SCHIP1: variants seen among roughly 807,000 people sequenced by gnomAD.
SCHIP1 encodes schwannomin interacting protein 1, also known as schwannomin-interacting protein 1.
SCHIP1 carries 8 observed loss-of-function variants against 29.7 expected under a neutral mutation model. That is an observed-to-expected ratio of 0.27 (90% confidence interval 0.16 to 0.49). SCHIP1 has a LOEUF of 0.49. Among genes scored for constraint, SCHIP1 ranks in the 20% least tolerant of loss-of-function variants. The pLI, the probability that SCHIP1 is intolerant of heterozygous loss-of-function variation, is 0.99. For synonymous variants in SCHIP1, 76 were observed against 94.9 expected (o/e 0.80, Z 1.16); for missense variants, 193 against 294.6 (o/e 0.66, Z 2.52).
At chr3:159,290,832 A>G in the SCHIP1 span, among the ~76,000 whole-genome samples, 4 of 152,240 alleles carry the variant, frequency 2.6e-5, no homozygotes, top group East Asian at 3.9e-4. Flanking sequence ...TTACTGTTGT[A>G]AGGAATCAAG....
chr3:159,353,283 G>T, the SCHIP1 span, among the ~76,000 whole-genome samples: 2 of 151,864 alleles, frequency 1.3e-5, no homozygotes. Context: ...TGCACGTTGT[G>T]CACATGTACC....
the SCHIP1 span, among the ~76,000 whole-genome samples, chr3:159,736,889 C>T: frequency 6.6e-6 from 1 of 152,196 alleles, no homozygotes; most frequent in Non-Finnish European, 1.5e-5. Context: ...CACCCGCCAC[C>T]ACGCCCGGCT....
chr3:159,384,003 T>A, the SCHIP1 span, among the ~76,000 whole-genome samples: 1 of 151,332 alleles, frequency 6.6e-6, no homozygotes, highest in Non-Finnish European at 1.5e-5. Context: ...TTAAGGAGAT[T>A]TTGGGCTGAG....
At chr3:159,811,624 A>G in the SCHIP1 span, among the ~76,000 whole-genome samples, 1 of 152,196 alleles carries the variant, frequency 6.6e-6, no homozygotes, top group South Asian at 2.1e-4. Flanking sequence ...TAGACTCTCA[A>G]TTCTGTTCCA....
chr3:159,710,782 T>A, the SCHIP1 span, among the ~76,000 whole-genome samples: 13 of 152,226 alleles, frequency 8.5e-5, no homozygotes, highest in African/African-American at 2.9e-4. Context: ...GAATTTTTTT[T>A]AAAATATGAA....
chr3:159,522,671 C>A, the SCHIP1 span, among the ~76,000 whole-genome samples: 3 of 152,122 alleles, frequency 2.0e-5, no homozygotes, highest in Non-Finnish European at 2.9e-5. Context: ...GAGATTGAGA[C>A]CATCCTGGCC....
At chr3:159,851,726 G>A (rs964165465) in intron 1 of SCHIP1, among the ~76,000 whole-genome samples, 2 of 152,194 alleles carry the variant, frequency 1.3e-5, no homozygotes, top group African/African-American at 4.8e-5. Flanking sequence ...GGGGCACTGG[G>A]AGCAGCAGTC....
chr3:159,407,580 C>T, the SCHIP1 span, among the ~76,000 whole-genome samples: 1 of 152,190 alleles, frequency 6.6e-6, no homozygotes, highest in Non-Finnish European at 1.5e-5. Flanking sequence ...CTACAAAATA[C>T]ACATTGTTCT....
chr3:159,827,970 A>C, the SCHIP1 span, among the ~76,000 whole-genome samples: 1,045 of 152,168 alleles, frequency 6.9e-3, 7 homozygotes, highest in African/African-American at 0.024. Context: ...CAAACTCATC[A>C]CCTTTACTCT....
the SCHIP1 span, among the ~76,000 whole-genome samples, chr3:159,732,677 G>A: frequency 6.6e-6 from 1 of 152,216 alleles, no homozygotes; most frequent in Non-Finnish European, 1.5e-5. Context: ...GGCAGGGCAG[G>A]GGAAACAAAT....
chr3:159,435,721 G>A, the SCHIP1 span, among the ~76,000 whole-genome samples: 6 of 152,248 alleles, frequency 3.9e-5, no homozygotes, highest in African/African-American at 1.4e-4. Context: ...CCATGTTTGT[G>A]TTCAGTTGTG....
At chr3:159,556,407 C>CCCATTA in the SCHIP1 span, among the ~76,000 whole-genome samples, 6 of 152,048 alleles carry the variant, frequency 3.9e-5, no homozygotes, top group African/African-American at 1.4e-4. Flanking sequence ...ACCCAGCCAT[C>CCCATTA]CCATTACTGG....
chr3:159,426,305 A>C, the SCHIP1 span, among the ~76,000 whole-genome samples: 2 of 152,162 alleles, frequency 1.3e-5, no homozygotes, highest in Non-Finnish European at 2.9e-5. Context: ...ATAAAGAAAA[A>C]AAGAGAGAAG....
the SCHIP1 span, among the ~76,000 whole-genome samples, chr3:159,626,191 G>T: frequency 2.6e-4 from 29 of 112,810 alleles, 1 homozygote; most frequent in African/African-American, 1.5e-3. Flanking sequence ...TAGATAGATA[G>T]ATAGATAGAT....
chr3:159,438,996 AT>A, the SCHIP1 span, among the ~76,000 whole-genome samples: 1 of 152,090 alleles, frequency 6.6e-6, no homozygotes, highest in Non-Finnish European at 1.5e-5. Flanking sequence ...ATTCCTTTGG[AT>A]ATATACCCAG....
At chr3:159,703,734 G>C in the SCHIP1 span, among the ~76,000 whole-genome samples, 1 of 152,168 alleles carries the variant, frequency 6.6e-6, no homozygotes, top group Non-Finnish European at 1.5e-5. Flanking sequence ...AAGGAATACA[G>C]GGATTCAGAG....
the SCHIP1 span, among the ~76,000 whole-genome samples, chr3:159,732,198 T>C: frequency 1.3e-5 from 2 of 152,228 alleles, no homozygotes; most frequent in African/African-American, 4.8e-5. Context: ...TTGTGAATTG[T>C]CAGGCTCCAA....
the SCHIP1 span, among the ~76,000 whole-genome samples, chr3:159,492,316 A>T: frequency 6.6e-6 from 1 of 152,206 alleles, no homozygotes; most frequent in African/African-American, 2.4e-5. Context: ...CTAAAGGAGG[A>T]AGTTCGAACC....
the SCHIP1 span, among the ~76,000 whole-genome samples, chr3:159,445,053 G>A: frequency 6.6e-6 from 1 of 151,980 alleles, no homozygotes; most frequent in Admixed American, 6.6e-5. Flanking sequence ...AAGAGCTTCT[G>A]CACAGCAAAA....
Sources: gnomAD v4.1 joint callset for allele counts (sites outside exome capture counted in the v4.1 genomes callset) on GRCh38, gnomAD v4.1.1 for gene constraint, MANE v1.5 for transcripts, NCBI Gene and HGNC (gene_info 2026-07-23, HGNC 2026-07-21) for gene names.